The following ALDH1A2 variants were observed in gnomAD, a reference collection of about 807,000 sequenced individuals.
ALDH1A2 encodes retinal dehydrogenase 2.
In ALDH1A2, 27 loss-of-function variants were observed where a neutral mutation model predicts 60.3. The ratio of observed to expected loss-of-function variants is 0.45; its 90% CI spans 0.33 to 0.62. The LOEUF (loss-of-function observed/expected upper bound fraction) is 0.62, where lower values mean the gene tolerates loss of function less well. Ranked by LOEUF, ALDH1A2 falls within the 20% of genes least tolerant of loss-of-function variation. The probability of loss-of-function intolerance (pLI) is 0.02; values close to 1 mark genes in which losing one functional copy is unlikely to be tolerated. For missense variants in ALDH1A2, 581 were observed against 643.8 expected (o/e 0.90, Z 1.06); for synonymous variants, 289 against 232.4 (o/e 1.24, Z -2.21).
chr15:58,010,732 T>C lies in ALDH1A2; in HGVS notation c.410A>G (p.Tyr137Cys), dbSNP rs116319331. 4 of 1,613,488 alleles carry C rather than the reference T, an allele frequency of 2.5e-6. No homozygotes were observed. Among genetic ancestry groups the C allele is most frequent in the Non-Finnish European group, 2.5e-6 (3 of 1,179,526 alleles). ...NGGKPFLQAF[Y>C]VDLQGVIKTF... ...TTTGATGACGCCCTGCAAATCCACA[T>C]AAAAAGCTTGCAGGAATGGTTTGCC... Residue 137 changes from tyrosine to cysteine, a missense_variant, in exon 4 of 13, where the codon TAT becomes TGT. Around this residue, in one of 2 missense-constraint regions of ALDH1A2, gnomAD observed 206 missense variants for 174.1 expected, o/e 1.18. Transcript: ENST00000249750.
intron 7 of ALDH1A2, among the ~76,000 whole-genome samples, chr15:57,974,265 C>T (rs1024722384): frequency 1.1e-4 from 16 of 151,828 alleles, no homozygotes; most frequent in African/African-American, 3.9e-4. Flanking sequence ...AACCCCATCT[C>T]TACTAAAAAT....
chr15:58,020,985 G>A (rs1297199569), intron 1 of ALDH1A2, among the ~76,000 whole-genome samples: 1 of 152,066 alleles, frequency 6.6e-6, no homozygotes, highest in Non-Finnish European at 1.5e-5. Context: ...TCAATATGAA[G>A]TGATGCTCTT....
At chr15:57,975,950 T>C (rs1421204447) in intron 7 of ALDH1A2, among the ~76,000 whole-genome samples, 1 of 152,166 alleles carries the variant, frequency 6.6e-6, no homozygotes. Flanking sequence ...CCAAGACTTA[T>C]CAAATTGTAC....
At chr15:57,985,285 A>T (rs1894659713) in intron 7 of ALDH1A2, among the ~76,000 whole-genome samples, 1 of 152,020 alleles carries the variant, frequency 6.6e-6, no homozygotes, top group Non-Finnish European at 1.5e-5. Flanking sequence ...CTTTCTTCCC[A>T]ATTCACTCTA....
At chr15:58,063,378 G>A (rs1209301248) in intron 1 of ALDH1A2, among the ~76,000 whole-genome samples, 1 of 152,106 alleles carries the variant, frequency 6.6e-6, no homozygotes, top group Non-Finnish European at 1.5e-5. Context: ...GTATCACTAT[G>A]CTAAAGGACT....
intron 7 of ALDH1A2, among the ~76,000 whole-genome samples, chr15:57,979,113 C>A (rs1894387327): frequency 6.6e-6 from 1 of 152,012 alleles, no homozygotes; most frequent in Non-Finnish European, 1.5e-5. Context: ...CTTGTACAGG[C>A]CTCACTTTCC....
intron 1 of ALDH1A2, among the ~76,000 whole-genome samples, chr15:58,054,941 G>A (rs773556076): frequency 2.3e-4 from 35 of 151,942 alleles, no homozygotes; most frequent in Non-Finnish European, 4.0e-4. Context: ...TCCCATTTTT[G>A]TCTGGTTGGA....
intron 1 of ALDH1A2, among the ~76,000 whole-genome samples, chr15:58,055,297 T>C (rs530261025): frequency 1.3e-5 from 2 of 152,192 alleles, no homozygotes; most frequent in East Asian, 1.9e-4. Context: ...AATGTAATCA[T>C]ATGTGAAAAG....
chr15:57,980,337 C>T, intron 7 of ALDH1A2: 1 of 424,208 alleles, frequency 2.4e-6, no homozygotes, highest in Non-Finnish European at 4.8e-6. Flanking sequence ...TTGAACAGGT[C>T]CATGGGGTTC....
At chr15:58,002,999 T>G (rs922602812) in intron 4 of ALDH1A2, among the ~76,000 whole-genome samples, 11 of 152,024 alleles carry the variant, frequency 7.2e-5, no homozygotes, top group African/African-American at 2.2e-4. Flanking sequence ...GTACTGATGC[T>G]TTTCTTCCCA....
intron 7 of ALDH1A2, chr15:57,979,914 G>A: frequency 2.8e-6 from 1 of 361,894 alleles, no homozygotes; most frequent in Non-Finnish European, 5.7e-6. Flanking sequence ...GCAGGGACAT[G>A]GAGGAATTAC....
intron 1 of ALDH1A2, among the ~76,000 whole-genome samples, chr15:58,034,665 T>A (rs1213429519): frequency 6.6e-6 from 1 of 151,706 alleles, no homozygotes; most frequent in East Asian, 1.9e-4. Flanking sequence ...GAGTCTTCCT[T>A]CTTTATATGA....
At chr15:58,055,489 AAATAT>A (rs1190033821) in intron 1 of ALDH1A2, among the ~76,000 whole-genome samples, 4 of 152,094 alleles carry the variant, frequency 2.6e-5, no homozygotes, top group African/African-American at 7.2e-5. Flanking sequence ...TTACACAGAA[AAATAT>A]AATACCATGC....
chr15:57,995,513 CA>C (rs1895028102), intron 4 of ALDH1A2, among the ~76,000 whole-genome samples: 1 of 151,938 alleles, frequency 6.6e-6, no homozygotes, highest in South Asian at 2.1e-4. Flanking sequence ...ACTGAGTCAA[CA>C]AACCTTTAAA....
intron 4 of ALDH1A2, among the ~76,000 whole-genome samples, chr15:57,996,470 TA>T (rs1199506577): frequency 6.6e-6 from 1 of 151,520 alleles, no homozygotes; most frequent in Admixed American, 6.6e-5. Flanking sequence ...ACAAACGGGA[TA>T]TTATTCAGTC....
intron 4 of ALDH1A2, among the ~76,000 whole-genome samples, chr15:58,000,855 T>A (rs1291741281): frequency 1.3e-5 from 2 of 151,768 alleles, no homozygotes; most frequent in Non-Finnish European, 2.9e-5. Flanking sequence ...ACACTCTGAG[T>A]AGCAAGATCA....
intron 1 of ALDH1A2, among the ~76,000 whole-genome samples, chr15:58,045,368 G>A (rs1039945552): frequency 3.3e-5 from 5 of 151,844 alleles, no homozygotes; most frequent in African/African-American, 9.7e-5. Context: ...TAGAAATACC[G>A]TTTCACCCAG....
intron 1 of ALDH1A2, among the ~76,000 whole-genome samples, chr15:58,053,018 C>T (rs1242923294): frequency 2.0e-5 from 3 of 152,086 alleles, no homozygotes; most frequent in African/African-American, 7.2e-5. Flanking sequence ...AGGATGTATT[C>T]ATTTATTCAT....
chr15:58,064,729 C>T (rs1187309389), intron 1 of ALDH1A2, among the ~76,000 whole-genome samples: 2 of 152,110 alleles, frequency 1.3e-5, no homozygotes, highest in African/African-American at 4.8e-5. Context: ...TGTAATCGAT[C>T]ATTTTTTTTC....
Sources: allele counts gnomAD v4.1 joint callset (sites outside exome capture counted in the v4.1 genomes callset), GRCh38; gene constraint gnomAD v4.1.1; regional missense constraint gnomAD v4.1.1; transcripts MANE v1.5; gene names NCBI Gene and HGNC (gene_info 2026-07-23, HGNC 2026-07-21).